NR5A1: variants seen among roughly 807,000 people sequenced by gnomAD.
NR5A1 encodes the protein nuclear receptor subfamily 5 group A member 1, also known as steroidogenic factor 1.
A neutral mutation model predicts 42.7 loss-of-function variants in NR5A1; 6 were observed. The observed-to-expected ratio is 0.14, with a 90% CI of 0.08 to 0.28. NR5A1 has a LOEUF of 0.28. Among genes scored for constraint, NR5A1 ranks in the 10% least tolerant of loss-of-function variants. NR5A1 has a pLI of 1.00. For missense variants in NR5A1, 442 were observed against 626.4 expected (o/e 0.71, Z 3.14); for synonymous variants, 274 against 277.5 (o/e 0.99, Z 0.12).
intron 1 of NR5A1, among the ~76,000 whole-genome samples, chr9:124,504,222 C>T (rs955237421): frequency 6.6e-6 from 1 of 151,970 alleles, no homozygotes; most frequent in Non-Finnish European, 1.5e-5. Context: ...AGAGACGAGG[C>T]CGGGGAGCTA....
At chr9:124,499,439 C>T (rs550379125) in intron 4 of NR5A1, among the ~76,000 whole-genome samples, 1 of 152,336 alleles carries the variant, frequency 6.6e-6, no homozygotes, top group East Asian at 1.9e-4. Flanking sequence ...CCTGAACACC[C>T]ACACACATGC....
At position 124,500,536 on chromosome 9, in the gene NR5A1, G is replaced by A. The variant is rs1229458260; in HGVS notation, c.424C>T (p.Pro142Ser). ...PPPAPDYVLPPSLHGPEPKGL... is the reference protein window; with the variant it reads ...PPPAPDYVLPSSLHGPEPKGL... ...TTGGGCTCAGGCCCATGCAGGCTGG[G>A]AGGCAGCACGTAGTCCGGTGCGGGA... The change falls in exon 4 of 7, where the codon CCC becomes TCC. Residue 142 changes from proline to serine, a missense_variant. By Grantham distance (74) the Pro-to-Ser change is moderately conservative. Around this residue, in one of 3 missense-constraint regions of NR5A1, gnomAD observed 208 missense variants for 203.8 expected, o/e 1.02. Transcript: ENST00000373588. The surrounding 1 kb of genome is among the most constrained non-coding windows in gnomAD (Gnocchi z 6.9). The A allele has an allele frequency of 1.2e-6, 2 of 1,608,888 alleles. No homozygotes were observed. Among genetic ancestry groups the A allele is most frequent in the Admixed American group, 1.7e-5 (1 of 59,938 alleles).
chr9:124,500,840 CA>C lies in NR5A1; in HGVS notation c.245-126del. ...CTGCTCAACACCCTTTCATGGCTCC[CA>C]CTGACCACAGGGGAAGTCAGTCTCC... On this transcript the variant is annotated intron_variant, in intron 3 of 6. Coordinates refer to ENST00000373588, the MANE Select transcript of NR5A1 (RefSeq NM_004959.5). This position sits in a 1 kb window ranked among gnomAD's most constrained non-coding sequence, Gnocchi z 6.9. 6.9e-7 allele frequency: 1 copy of C among 1,452,500 alleles called. No individual in the cohort carries two copies. Among genetic ancestry groups the C allele is most frequent in the Non-Finnish European group, 9.6e-7 (1 of 1,044,606 alleles). 90.0% of individuals were successfully genotyped at this position (1,452,500 alleles called of 1,614,324 possible).
intron 6 of NR5A1, among the ~76,000 whole-genome samples, chr9:124,486,003 G>A (rs180948653): frequency 0.013 from 1,958 of 151,712 alleles, 43 homozygotes; most frequent in African/African-American, 0.045. Flanking sequence ...CCAGGATACC[G>A]CAGTAGGGGC....
chr9:124,506,793 C>T (rs1832567361), intron 1 of NR5A1, among the ~76,000 whole-genome samples: 2 of 152,204 alleles, frequency 1.3e-5, no homozygotes, highest in Admixed American at 1.3e-4. Context: ...GGGAGGGAAG[C>T]CTAGACCTGG....
At chr9:124,488,746 C>T (rs1460898416) in intron 6 of NR5A1, among the ~76,000 whole-genome samples, 1 of 152,260 alleles carries the variant, frequency 6.6e-6, no homozygotes, top group East Asian at 1.9e-4. Context: ...AGGGGAGTGA[C>T]TTGCCCAAGG....
chr9:124,502,462 T>C (rs1215885156), intron 3 of NR5A1, among the ~76,000 whole-genome samples: 1 of 152,152 alleles, frequency 6.6e-6, no homozygotes, highest in Non-Finnish European at 1.5e-5. Flanking sequence ...CCTGAGTAGC[T>C]AGGACTACAG....
At chr9:124,485,331 C>T (rs569046266) in intron 6 of NR5A1, among the ~76,000 whole-genome samples, 6 of 152,232 alleles carry the variant, frequency 3.9e-5, no homozygotes, top group Non-Finnish European at 7.4e-5. Context: ...GCTGCGGGGG[C>T]GTCCAGAGGC....
Position 124,501,314 on chromosome 9 carries a change from C to T in NR5A1, c.245-599G>A, listed in dbSNP as rs1408948600. ...TGACTGACTGCCTGACTGTTGAGCT[C>T]CTGCTTCAAAATGACTCAAGTATCC... On this transcript the variant is annotated intron_variant, in intron 3 of 6. Coordinates refer to ENST00000373588, the MANE Select transcript of NR5A1 (RefSeq NM_004959.5). This position sits in a 1 kb window ranked among gnomAD's most constrained non-coding sequence, Gnocchi z 4.1. Among the ~76,000 whole-genome samples the T allele has an allele frequency of 6.6e-6, 1 of 152,234 alleles. No individual in the cohort carries two copies. The highest frequency in any genetic ancestry group is 1.5e-5 in the Non-Finnish European group (1 of 68,042).
rs1832459861 is a variant in NR5A1, at chr9:124,500,773, C to T, written c.245-58G>A. The T allele has an allele frequency of 1.9e-6, 3 of 1,610,524 alleles. No individual in the cohort carries two copies. Among genetic ancestry groups the T allele is most frequent in the Admixed American group, 1.7e-5 (1 of 59,996 alleles). On this transcript the variant is annotated intron_variant, in intron 3 of 6. Transcript: ENST00000373588. The surrounding 1 kb of genome is among the most constrained non-coding windows in gnomAD (Gnocchi z 6.9). ...TCTCTAAGCCCCCTTCCATGCTGCC[C>T]CACCACAGATCCTTTCCAAACAAAT...
At chr9:124,502,243 A>C (rs1463379244) in intron 3 of NR5A1, among the ~76,000 whole-genome samples, 1 of 152,040 alleles carries the variant, frequency 6.6e-6, no homozygotes, top group Non-Finnish European at 1.5e-5. Flanking sequence ...CGATCCCCAC[A>C]CTCACTCACT....
At chr9:124,493,192 T>C in intron 4 of NR5A1, 43 bp from the exon 5 acceptor site, 2 of 1,586,296 alleles carry the variant, frequency 1.3e-6, no homozygotes, top group Non-Finnish European at 1.7e-6. Context: ...CCAGCCAGGG[T>C]CCAGGGACCT....
chr9:124,488,384 T>C (rs1051647823), intron 6 of NR5A1, among the ~76,000 whole-genome samples: 1 of 152,046 alleles, frequency 6.6e-6, no homozygotes, highest in African/African-American at 2.4e-5. Flanking sequence ...TCTCCTCCTG[T>C]TCCTCCTCTG....
chr9:124,487,242 G>C (rs1394129805), intron 6 of NR5A1, among the ~76,000 whole-genome samples: 1 of 152,258 alleles, frequency 6.6e-6, no homozygotes, highest in African/African-American at 2.4e-5. Context: ...ATTCCAGCGA[G>C]GCATAAAGAA....
intron 6 of NR5A1, among the ~76,000 whole-genome samples, chr9:124,484,300 G>A (rs550420705): frequency 5.9e-5 from 9 of 152,338 alleles, no homozygotes; most frequent in African/African-American, 1.7e-4. Context: ...GGGCCTGGAT[G>A]GCCACGTGGT....
chr9:124,503,400 G>T lies in NR5A1; in HGVS notation c.-5C>A, dbSNP rs1033681714. 6 of 1,605,032 alleles carry T rather than the reference G, an allele frequency of 3.7e-6. No homozygotes were observed. Among genetic ancestry groups the T allele is most frequent in the Non-Finnish European group, 5.1e-6 (6 of 1,176,816 alleles). On this transcript the variant is annotated 5_prime_UTR_variant, in exon 2 of 7. Coordinates refer to ENST00000373588, the MANE Select transcript of NR5A1 (RefSeq NM_004959.5). This position sits in a 1 kb window ranked among gnomAD's most constrained non-coding sequence, Gnocchi z 9.6. ...CTCGTCGTACGAATAGTCCATGCCC[G>T]CGGCGTCCGCCTGCGGAGGGACAGC...
At chr9:124,490,383 G>C (rs73666901) in intron 6 of NR5A1, among the ~76,000 whole-genome samples, 1,721 of 152,298 alleles carry the variant, frequency 0.011, 28 homozygotes, top group African/African-American at 0.039. Context: ...TGAGGGTGCA[G>C]ACTGGAGTGG....
intron 4 of NR5A1, among the ~76,000 whole-genome samples, 183 bp from the exon 5 acceptor site, chr9:124,493,332 G>C (rs76274669): frequency 0.02 from 3,028 of 152,310 alleles, 71 homozygotes; most frequent in East Asian, 0.13. Context: ...AGTTAACAAA[G>C]GGATGTTTGG....
chr9:124,495,516 C>T (rs1832378411), intron 4 of NR5A1, among the ~76,000 whole-genome samples: 2 of 152,226 alleles, frequency 1.3e-5, no homozygotes, highest in South Asian at 4.1e-4. Flanking sequence ...CTGAGAACCT[C>T]CTGAGACCTG....
Sources: allele counts gnomAD v4.1 joint callset (sites outside exome capture counted in the v4.1 genomes callset), GRCh38; gene constraint gnomAD v4.1.1; regional missense constraint gnomAD v4.1.1; non-coding constraint Gnocchi (gnomAD v3.1); transcripts MANE v1.5; gene names NCBI Gene and HGNC (gene_info 2026-07-23, HGNC 2026-07-21).